GNAI1: variants seen among roughly 807,000 people sequenced by gnomAD.
GNAI1 encodes the protein guanine nucleotide-binding protein G(i) subunit alpha-1.
GNAI1 carries 11 observed loss-of-function variants against 38.9 expected under a neutral mutation model. That is an observed-to-expected ratio of 0.28 (90% CI 0.18 to 0.47). The LOEUF (loss-of-function observed/expected upper bound fraction) is 0.47, where lower values mean the gene tolerates loss of function less well. Among genes scored for constraint, GNAI1 ranks in the 20% least tolerant of loss-of-function variants. The pLI is 0.99. For synonymous variants in GNAI1, 166 were observed against 145.1 expected (o/e 1.14, Z -1.04); for missense variants, 317 against 436.9 (o/e 0.73, Z 2.45).
At chr7:80,173,775 G>T (rs1365631422) in intron 1 of GNAI1, among the ~76,000 whole-genome samples, 1 of 152,142 alleles carries the variant, frequency 6.6e-6, no homozygotes, top group African/African-American at 2.4e-5. Context: ...GAGCTTACCT[G>T]CTTGAGTTCC....
rs1167446915 is a variant in GNAI1 at position 80,221,745 on chromosome 7, C to A, written c.*4252C>A. 7.1e-6 allele frequency among the ~76,000 whole-genome samples: 1 copy of A among 141,040 alleles called. No homozygotes were observed. Among genetic ancestry groups the A allele is most frequent in the Non-Finnish European group, 1.5e-5 (1 of 66,690 alleles). The allele number at this position is 141,040 out of a possible 152,430, so 92.5% of individuals were successfully genotyped here. A position where few individuals can be genotyped will look rare whatever the true frequency, so the allele number is the denominator to read the frequency against. ...GCAACCTCCAACTCCATGGTTCAAG[C>A]AATTGTCCTGCCTCAGCCTCCCGAG... On this transcript the variant is annotated 3_prime_UTR_variant, in exon 8 of 8. Transcript: ENST00000649796.
intron 1 of GNAI1, chr7:80,136,167 A>G (rs1318096384): frequency 2.3e-6 from 1 of 437,154 alleles, no homozygotes; most frequent in African/African-American, 2.1e-5. Context: ...AAGAAAATAA[A>G]GAGTAAACCA....
At chr7:80,162,694 C>T (rs1480960474) in intron 1 of GNAI1, among the ~76,000 whole-genome samples, 3 of 152,148 alleles carry the variant, frequency 2.0e-5, no homozygotes, top group African/African-American at 7.2e-5. Flanking sequence ...TGAACAGCTC[C>T]TTGAGGTTGG....
chr7:80,153,010 A>G (rs1450790732), intron 1 of GNAI1, among the ~76,000 whole-genome samples: 1 of 152,114 alleles, frequency 6.6e-6, no homozygotes, highest in Non-Finnish European at 1.5e-5. Flanking sequence ...TATCTAATAC[A>G]CTGTATTTAC....
chr7:80,184,561 G>A (rs1354617002), intron 1 of GNAI1, among the ~76,000 whole-genome samples: 3 of 152,204 alleles, frequency 2.0e-5, no homozygotes, highest in African/African-American at 7.2e-5. Context: ...GCCTCTTAAT[G>A]TGCATGCTTG....
At chr7:80,212,997 A>T in intron 7 of GNAI1, 128 bp downstream of exon 7, 3 of 604,546 alleles carry the variant, frequency 5.0e-6, no homozygotes, top group Non-Finnish European at 8.5e-6. Context: ...AAGGGGTATT[A>T]TTTATCAAAC....
chr7:80,135,677 C>T, intron 1 of GNAI1: 1 of 390,924 alleles, frequency 2.6e-6, no homozygotes, highest in Non-Finnish European at 3.5e-6. Context: ...CAACCCCCTC[C>T]CGGAAAACCC....
chr7:80,192,044 T>C lies in GNAI1; in HGVS notation c.303+2813T>C, dbSNP rs141360259. Reference sequence around the variant, plus strand: ...TAGTTTTCACTCATTTCTGTTCAATTACTTACCTTTTCACATTGATTCTGT... The same window carrying C: ...TAGTTTTCACTCATTTCTGTTCAATCACTTACCTTTTCACATTGATTCTGT... On this transcript the variant is annotated intron_variant, in intron 3 of 7. Coordinates refer to ENST00000649796, the MANE Select transcript of GNAI1 (RefSeq NM_002069.6). Among the ~76,000 whole-genome samples the C allele has an allele frequency of 4.0e-3, 603 of 152,352 alleles. 6 individuals are homozygous for C. Among genetic ancestry groups the C allele is most frequent in the African/African-American group, 0.014 (562 of 41,586 alleles).
intron 1 of GNAI1, among the ~76,000 whole-genome samples, chr7:80,156,339 T>C (rs1447233022): frequency 6.6e-6 from 1 of 152,232 alleles, no homozygotes; most frequent in African/African-American, 2.4e-5. Context: ...AATAAGAGAT[T>C]TAAGATTTCC....
Position 80,139,582 on chromosome 7 carries a change from T to C in GNAI1, c.118+4304T>C, listed in dbSNP as rs574214637. ...TTCTTTGAATACCTAACAACCCTTC[T>C]ATTTTATTATGTGTAAAATGGCTTC... On this transcript the variant is annotated intron_variant, in intron 1 of 7. Coordinates refer to ENST00000649796, the MANE Select transcript of GNAI1 (RefSeq NM_002069.6). 7.9e-5 allele frequency among the ~76,000 whole-genome samples: 12 copies of C among 152,340 alleles called. No homozygotes were observed. In the East Asian group the frequency reaches 9.6e-4, roughly 12 times the overall value.
chr7:80,161,747 G>A (rs966519163), intron 1 of GNAI1, among the ~76,000 whole-genome samples: 1 of 152,136 alleles, frequency 6.6e-6, no homozygotes, highest in Non-Finnish European at 1.5e-5. Flanking sequence ...CTAATAGGAA[G>A]TTGAGTCCAA....
chr7:80,178,151 GA>G (rs1459748423), intron 1 of GNAI1, among the ~76,000 whole-genome samples: 1 of 152,210 alleles, frequency 6.6e-6, no homozygotes, highest in Non-Finnish European at 1.5e-5. Context: ...AGTGGAGCCT[GA>G]AGATGTGAAT....
intron 3 of GNAI1, among the ~76,000 whole-genome samples, chr7:80,190,774 GAAAA>G (rs956630625): frequency 6.6e-6 from 1 of 152,014 alleles, no homozygotes; most frequent in African/African-American, 2.4e-5. Flanking sequence ...GCTTACGAAA[GAAAA>G]AAGCGTTGTA....
chr7:80,163,104 C>G (rs1419904645), intron 1 of GNAI1, among the ~76,000 whole-genome samples: 1 of 152,158 alleles, frequency 6.6e-6, no homozygotes, highest in Non-Finnish European at 1.5e-5. Context: ...ATCTGTCTAT[C>G]TGGGACTTGT....
chr7:80,210,159 T>G (rs748918154), intron 5 of GNAI1, among the ~76,000 whole-genome samples: 87 of 152,330 alleles, frequency 5.7e-4, no homozygotes, highest in Non-Finnish European at 1.1e-3. Flanking sequence ...GGTTGCATAA[T>G]GTAGTCTATG....
intron 1 of GNAI1, among the ~76,000 whole-genome samples, chr7:80,188,017 G>A (rs956592248): frequency 6.6e-6 from 1 of 152,204 alleles, no homozygotes; most frequent in South Asian, 2.1e-4. Context: ...ACAGAGTGAA[G>A]GAGAGTTCTG....
At chr7:80,210,466 T>C (rs1788853480) in intron 5 of GNAI1, among the ~76,000 whole-genome samples, 1 of 152,190 alleles carries the variant, frequency 6.6e-6, no homozygotes, top group Non-Finnish European at 1.5e-5. Context: ...AATGGTTTCT[T>C]CTTTACATCA....
intron 4 of GNAI1, among the ~76,000 whole-genome samples, chr7:80,203,400 C>CT (rs552379696): frequency 1.8e-4 from 26 of 145,968 alleles, no homozygotes; most frequent in East Asian, 5.9e-4. Context: ...TGTGTATTAG[C>CT]TTTTTTTTTT....
chr7:80,199,576 T>A (rs556681602), intron 4 of GNAI1, among the ~76,000 whole-genome samples, 194 bp downstream of exon 4: 1 of 152,046 alleles, frequency 6.6e-6, no homozygotes, highest in African/African-American at 2.4e-5. Flanking sequence ...TTCCTATATG[T>A]TCAATAGTGT....
Sources: allele counts gnomAD v4.1 joint callset (sites outside exome capture counted in the v4.1 genomes callset), GRCh38; gene constraint gnomAD v4.1.1; transcripts MANE v1.5; gene names NCBI Gene and HGNC (gene_info 2026-07-23, HGNC 2026-07-21).